Variants in SHROOM3 observed in about 807,000 individuals in gnomAD.
SHROOM3 encodes shroom family member 3, also known as protein Shroom3.
SHROOM3 carries 47 observed loss-of-function variants against 138.6 expected under a neutral mutation model. The observed-to-expected ratio is 0.34, with a 90% CI of 0.27 to 0.43. SHROOM3 has a LOEUF of 0.43. Among genes scored for constraint, SHROOM3 ranks in the 20% least tolerant of loss-of-function variants. SHROOM3 has a pLI of 1.00. For missense variants in SHROOM3, 2,491 were observed against 2,596.5 expected (o/e 0.96, Z 0.88); for synonymous variants, 1,062 against 1,063.3 (o/e 1.00, Z 0.02).
intron 1 of SHROOM3, among the ~76,000 whole-genome samples, chr4:76,458,085 G>A (rs1359359642): frequency 2.6e-5 from 4 of 152,184 alleles, no homozygotes; most frequent in East Asian, 1.9e-4. Flanking sequence ...GAGTCACCAC[G>A]CCTGGCTGCA....
intron 3 of SHROOM3, among the ~76,000 whole-genome samples, chr4:76,718,275 T>C (rs1190632347): frequency 6.6e-6 from 1 of 152,204 alleles, no homozygotes; most frequent in African/African-American, 2.4e-5. Context: ...TTTTGATTTT[T>C]ATTCTCCCAA....
rs754516051 is a variant in SHROOM3, at chr4:76,740,823, C to G, written c.2650C>G (p.Arg884Gly). 8 of 1,600,754 alleles carry G rather than the reference C, an allele frequency of 5.0e-6. No homozygotes were observed. The African/African-American group carries it at 1.1e-4, about 21-fold the overall frequency. ...CCGTGGCCCCCAGAGGCCGGACGCT[C>G]GGCTCCTCCGTAGCCAGAGCACCTT... The part of the protein sequence containing the change: ...SGRGPQRPDA[R>G]LLRSQSTFQL... The change falls in exon 5 of 11, where the codon CGG becomes GGG. Residue 884 changes from arginine to glycine, a missense_variant. Around this residue, in one of 4 missense-constraint regions of SHROOM3, gnomAD observed 1,733 missense variants for 1,661.6 expected, o/e 1.04. Transcript: ENST00000296043. The surrounding 1 kb of genome is among the most constrained non-coding windows in gnomAD (Gnocchi z 4.0).
chr4:76,469,653 C>G (rs565754183), intron 1 of SHROOM3, among the ~76,000 whole-genome samples: 1 of 152,258 alleles, frequency 6.6e-6, no homozygotes. Flanking sequence ...GACCGGGTTT[C>G]ACCGGGTTGC....
At chr4:76,667,932 A>G (rs1449713116) in intron 2 of SHROOM3, among the ~76,000 whole-genome samples, 1 of 134,040 alleles carries the variant, frequency 7.5e-6, no homozygotes, top group Non-Finnish European at 1.5e-5. Flanking sequence ...GCGCCACTGC[A>G]CTCCAGCCTG....
At chr4:76,748,733 A>G (rs1721526075) in intron 5 of SHROOM3, among the ~76,000 whole-genome samples, 1 of 150,790 alleles carries the variant, frequency 6.6e-6, no homozygotes. Flanking sequence ...GATAATCGTT[A>G]GGAGACTTCT....
Position 76,739,229 on chromosome 4 carries a change from G to C in SHROOM3, c.1056G>C (p.Arg352=), listed in dbSNP as rs771064814. The change falls in exon 5 of 11, where the codon CGG becomes CGC. Residue 352 remains arginine, a synonymous_variant. Transcript: ENST00000296043. ...QGYDKWSNIP[R]GKGVPPPSWS... ...ATGATAAATGGTCTAATATTCCTCG[G>C]GGCAAGGGAGTGCCACCCCCATCCT... 2 of 1,614,110 alleles carry C rather than the reference G, an allele frequency of 1.2e-6. No homozygotes were observed. The highest frequency in any genetic ancestry group is 1.7e-6 in the Non-Finnish European group (2 of 1,180,024).
intron 9 of SHROOM3, among the ~76,000 whole-genome samples, chr4:76,759,927 A>T (rs1228225432): frequency 2.0e-5 from 3 of 152,186 alleles, no homozygotes; most frequent in Non-Finnish European, 1.5e-5. Context: ...TCGTTTTTAC[A>T]AATAACAGAA....
rs574913130 is a variant in SHROOM3 at position 76,660,990 on chromosome 4, T to C, written c.324-49166T>C. Among the ~76,000 whole-genome samples, 307 of 152,016 alleles carry C rather than the reference T, an allele frequency of 2.0e-3. 2 individuals carry two copies. Among genetic ancestry groups the C allele is most frequent in the Middle Eastern group, 0.017 (5 of 292 alleles). The stretch of plus-strand genomic sequence containing the variant: ...AATTTTTTATGTTTTGTAAAGACAG[T>C]GTCTCACTGTTACCCAAGCTTGTCT... On this transcript the variant is annotated intron_variant, in intron 2 of 10. Transcript: ENST00000296043.
intron 2 of SHROOM3, among the ~76,000 whole-genome samples, chr4:76,676,332 A>T (rs1719025849): frequency 1.3e-5 from 2 of 152,192 alleles, no homozygotes; most frequent in Admixed American, 1.3e-4. Flanking sequence ...ATTCAACCAT[A>T]CCTGTGTGTG....
intron 1 of SHROOM3, among the ~76,000 whole-genome samples, chr4:76,504,188 T>C (rs1225633160): frequency 6.6e-6 from 1 of 152,186 alleles, no homozygotes; most frequent in Non-Finnish European, 1.5e-5. Flanking sequence ...AACGGAGTTT[T>C]ACACTTGTTG....
chr4:76,569,233 G>A (rs1019280227), intron 2 of SHROOM3, among the ~76,000 whole-genome samples: 1 of 149,830 alleles, frequency 6.7e-6, no homozygotes, highest in African/African-American at 2.4e-5. Context: ...AAATTAGACC[G>A]AAATCCAATT....
intron 1 of SHROOM3, among the ~76,000 whole-genome samples, chr4:76,448,099 A>C (rs938224766): frequency 2.6e-5 from 4 of 152,178 alleles, no homozygotes; most frequent in Admixed American, 6.5e-5. Flanking sequence ...TATATGTGTC[A>C]GTCTGCTGTG....
At chr4:76,507,158 G>A (rs747623115) in intron 1 of SHROOM3, among the ~76,000 whole-genome samples, 4 of 152,156 alleles carry the variant, frequency 2.6e-5, no homozygotes, top group Non-Finnish European at 5.9e-5. Flanking sequence ...AGAAATAAAA[G>A]GAGAAGGTTT....
intron 1 of SHROOM3, among the ~76,000 whole-genome samples, chr4:76,464,522 G>A (rs915697348): frequency 1.3e-5 from 2 of 152,106 alleles, no homozygotes; most frequent in African/African-American, 2.4e-5. Context: ...CGGGGGGACT[G>A]TTGGGAAGGC....
intron 2 of SHROOM3, among the ~76,000 whole-genome samples, chr4:76,657,584 G>T (rs1416288310): frequency 6.6e-6 from 1 of 152,180 alleles, no homozygotes; most frequent in Non-Finnish European, 1.5e-5. Flanking sequence ...TTCAAAGTGT[G>T]CTCTGCTCTC....
chr4:76,535,295 A>G (rs1240069472), intron 1 of SHROOM3, among the ~76,000 whole-genome samples: 1 of 152,174 alleles, frequency 6.6e-6, no homozygotes, highest in African/African-American at 2.4e-5. Flanking sequence ...GGATGTTGTT[A>G]GCCATTGGGA....
chr4:76,748,866 G>A (rs1297412577), intron 5 of SHROOM3, 151 bp from the exon 6 acceptor site: 9 of 595,584 alleles, frequency 1.5e-5, no homozygotes, highest in Non-Finnish European at 1.9e-5. Flanking sequence ...CTGCATCGAT[G>A]CCATGGGATT....
At chr4:76,541,828 C>A (rs369351855) in intron 1 of SHROOM3, among the ~76,000 whole-genome samples, 2 of 152,134 alleles carry the variant, frequency 1.3e-5, no homozygotes, top group Non-Finnish European at 2.9e-5. Flanking sequence ...ACAAAAGACT[C>A]AATTTGGAGT....
At chr4:76,659,967 C>G (rs1736148037) in intron 2 of SHROOM3, among the ~76,000 whole-genome samples, 2 of 152,192 alleles carry the variant, frequency 1.3e-5, no homozygotes, top group South Asian at 4.1e-4. Flanking sequence ...CTGAATAAAC[C>G]AAGAATGAAG....
Sources: gnomAD v4.1 joint callset for allele counts (sites outside exome capture counted in the v4.1 genomes callset) on GRCh38, gnomAD v4.1.1 for gene constraint, gnomAD v4.1.1 regional missense constraint, Gnocchi (gnomAD v3.1) non-coding constraint, MANE v1.5 for transcripts, NCBI Gene and HGNC (gene_info 2026-07-23, HGNC 2026-07-21) for gene names.